The following TRIM8 variants were observed in gnomAD, a reference collection of about 807,000 sequenced individuals.
TRIM8 encodes the protein E3 ubiquitin-protein ligase TRIM8.
A neutral mutation model predicts 55.7 loss-of-function variants in TRIM8; 9 were observed. That is an observed-to-expected ratio of 0.16 (90% CI 0.10 to 0.28). TRIM8 has a LOEUF of 0.28. TRIM8 is among the 10% of genes least tolerant of loss of function. The pLI is 1.00. For synonymous variants in TRIM8, 335 were observed against 333.3 expected (o/e 1.01, Z -0.06); for missense variants, 556 against 736.4 (o/e 0.76, Z 2.83).
At chr10:102,652,314 G>A (rs1590107542) in intron 1 of TRIM8, among the ~76,000 whole-genome samples, 1 of 152,184 alleles carries the variant, frequency 6.6e-6, no homozygotes. Flanking sequence ...GGCGGGGTGA[G>A]GAAGGGATTG....
intron 1 of TRIM8, chr10:102,649,239 T>C (rs186150671): frequency 1.2e-4 from 19 of 152,410 alleles, no homozygotes; most frequent in Admixed American, 3.3e-4. Context: ...TTCCTGACAG[T>C]TGGCAGCACT....
At chr10:102,653,103 T>C (rs2063997880) in intron 1 of TRIM8, among the ~76,000 whole-genome samples, 1 of 152,158 alleles carries the variant, frequency 6.6e-6, no homozygotes, top group African/African-American at 2.4e-5. Flanking sequence ...CTGACCTTAT[T>C]TTTTATTTTT....
chr10:102,648,387 G>A (rs1196895819), intron 1 of TRIM8, among the ~76,000 whole-genome samples: 2 of 152,124 alleles, frequency 1.3e-5, no homozygotes, highest in Non-Finnish European at 2.9e-5. Flanking sequence ...CTTGAGTCTT[G>A]TGCAGTTACG....
chr10:102,656,580 G>C lies in TRIM8; in HGVS notation c.1049-167G>C, dbSNP rs1590110591. 1 of 1,305,898 alleles carries C rather than the reference G, an allele frequency of 7.7e-7. No homozygotes were observed. The highest frequency in any genetic ancestry group is 2.5e-5 in the East Asian group (1 of 40,068). The allele number at this position is 1,305,898 out of a possible 1,614,324, so 80.9% of individuals were successfully genotyped here. A position where few individuals can be genotyped will look rare whatever the true frequency, so the allele number is the denominator to read the frequency against. Reference sequence around the variant, plus strand: ...GCCTCCATTTCTTCAGCTTAAAGTGGGGATATAACTATTCTGTACCTCCTA... The same window carrying C: ...GCCTCCATTTCTTCAGCTTAAAGTGCGGATATAACTATTCTGTACCTCCTA... On this transcript the variant is annotated intron_variant, in intron 5 of 5. Coordinates refer to ENST00000643721, the MANE Select transcript of TRIM8 (RefSeq NM_030912.3). This position sits in a 1 kb window ranked among gnomAD's most constrained non-coding sequence, Gnocchi z 4.6.
rs1172447877 is a variant in TRIM8 at position 102,657,775 on chromosome 10, T to C, written c.*421T>C. On this transcript the variant is annotated 3_prime_UTR_variant, in exon 6 of 6. Transcript: ENST00000643721. Reference sequence around the variant, plus strand: ...AGGAACGCCCAGGGCCCCGGGCTTGTTTCTCCTCTTGTTTTCCTTTTGGGC... The same window carrying C: ...AGGAACGCCCAGGGCCCCGGGCTTGCTTCTCCTCTTGTTTTCCTTTTGGGC... 6.1e-6 allele frequency: 1 copy of C among 164,758 alleles called. No individual in the cohort carries two copies. Among genetic ancestry groups the C allele is most frequent in the Non-Finnish European group, 1.3e-5 (1 of 76,658 alleles). 10.2% of individuals were successfully genotyped at this position (164,758 alleles called of 1,614,324 possible).
chr10:102,654,596 A>G (rs978626952), intron 1 of TRIM8, 57 bp from the exon 2 acceptor site: 4 of 1,331,748 alleles, frequency 3.0e-6, no homozygotes, highest in Non-Finnish European at 4.3e-6. Context: ...AGAGGGAAGC[A>G]TGGGTCAGGG....
chr10:102,651,475 C>T (rs1005030809), intron 1 of TRIM8, among the ~76,000 whole-genome samples: 1 of 152,232 alleles, frequency 6.6e-6, no homozygotes, highest in African/African-American at 2.4e-5. Context: ...CAGTTCCTGT[C>T]CCCAAGGAAG....
chr10:102,654,761 A>G lies in TRIM8; in HGVS notation c.666+13A>G. On this transcript the variant is annotated intron_variant, in intron 2 of 5. Coordinates refer to ENST00000643721, the MANE Select transcript of TRIM8 (RefSeq NM_030912.3). ...GCGCCTGGTGGAGGTAGCTAAGCCCAAGGCCATGCTGCGGGGTGGGGGTGG... is the reference window on the plus strand; with the variant it reads ...GCGCCTGGTGGAGGTAGCTAAGCCCGAGGCCATGCTGCGGGGTGGGGGTGG... 6.2e-7 allele frequency: 1 copy of G among 1,606,646 alleles called. No homozygotes were observed. The highest frequency in any genetic ancestry group is 8.5e-7 in the Non-Finnish European group (1 of 1,173,136).
rs1195880693 is a variant in TRIM8 at position 102,655,155 on chromosome 10, C to G, written c.742C>G (p.Arg248Gly). 6.2e-7 allele frequency: 1 copy of G among 1,612,120 alleles called. No individual in the cohort carries two copies. The highest frequency in any genetic ancestry group is 1.7e-5 in the Admixed American group (1 of 59,062). ...GCACCAGCTGCTGGACGAGGACCTG[C>G]GGCAGACAGTGGAGGTCCTAGACAA... ...KLHQLLDEDL[R>G]QTVEVLDKAQ... The change falls in exon 3 of 6, where the codon CGG becomes GGG. Residue 248 changes from arginine to glycine, a missense_variant. Coordinates refer to ENST00000643721, the MANE Select transcript of TRIM8 (RefSeq NM_030912.3).
Position 102,656,125 on chromosome 10 carries a change from T to G in TRIM8, c.920T>G (p.Ile307Ser). ...CAACAGAACACCAAGTCTGTGAAAA[T>G]CCTGATGGACAGGTAAGCTGAGGGC... Reference protein sequence around the residue: ...SFMKNTKSVKILMDRTQTCTS... With the variant: ...SFMKNTKSVKSLMDRTQTCTS... The change falls in exon 4 of 6, where the codon ATC becomes AGC. Residue 307 changes from isoleucine to serine, a missense_variant. Transcript: ENST00000643721. This position sits in a 1 kb window ranked among gnomAD's most constrained non-coding sequence, Gnocchi z 4.6. 1 of 1,614,006 alleles carries G rather than the reference T, an allele frequency of 6.2e-7. No individual in the cohort carries two copies. The highest frequency in any genetic ancestry group is 1.1e-5 in the South Asian group (1 of 91,078).
chr10:102,651,287 T>G (rs965938371), intron 1 of TRIM8, among the ~76,000 whole-genome samples: 2 of 152,058 alleles, frequency 1.3e-5, no homozygotes, highest in African/African-American at 4.8e-5. Context: ...AGGGTAGAAG[T>G]GCTGTCAGGG....
rs879399903 is a variant in TRIM8 at position 102,657,960 on chromosome 10, A to C, written c.*606A>C. On this transcript the variant is annotated 3_prime_UTR_variant, in exon 6 of 6. Coordinates refer to ENST00000643721, the MANE Select transcript of TRIM8 (RefSeq NM_030912.3). ...GGCCACTTCTCAAGCAGCTTTTGGC[A>C]CCTTCAGCCTCAGAGTGGAATCTTT... is the stretch of plus-strand genomic sequence containing the variant. 6.6e-6 allele frequency: 1 copy of C among 152,484 alleles called. No homozygotes were observed. The highest frequency in any genetic ancestry group is 6.5e-5 in the Admixed American group (1 of 15,268). 9.4% of individuals were successfully genotyped at this position (152,484 alleles called of 1,614,324 possible).
intron 1 of TRIM8, among the ~76,000 whole-genome samples, chr10:102,649,545 G>A (rs527911932): frequency 5.3e-4 from 80 of 152,238 alleles, no homozygotes; most frequent in Non-Finnish European, 9.4e-4. Context: ...TTCCTTTCCC[G>A]GCTGGCCTGG....
intron 1 of TRIM8, among the ~76,000 whole-genome samples, chr10:102,652,418 A>G (rs2063992622): frequency 1.3e-5 from 2 of 152,210 alleles, no homozygotes; most frequent in Non-Finnish European, 2.9e-5. Flanking sequence ...CCACAGAGGA[A>G]GAAAGAGAAC....
Position 102,656,620 on chromosome 10 carries a change from A to G in TRIM8, c.1049-127A>G. The G allele has an allele frequency of 2.1e-6, 3 of 1,423,454 alleles. No individual in the cohort carries two copies. The highest frequency in any genetic ancestry group is 1.4e-5 in the African/African-American group (1 of 69,602). 88.2% of individuals were successfully genotyped at this position (1,423,454 alleles called of 1,614,324 possible). A position where few individuals can be genotyped will look rare whatever the true frequency, so the allele number is the denominator to read the frequency against. On this transcript the variant is annotated intron_variant, in intron 5 of 5. Coordinates refer to ENST00000643721, the MANE Select transcript of TRIM8 (RefSeq NM_030912.3). This position sits in a 1 kb window ranked among gnomAD's most constrained non-coding sequence, Gnocchi z 4.6. ...TGTACCTCCTAATGGTAGAGGAGCAAGCATCACCTGAGATGTAACATTCTT... is the reference window on the plus strand; with the variant it reads ...TGTACCTCCTAATGGTAGAGGAGCAGGCATCACCTGAGATGTAACATTCTT...
At chr10:102,653,201 C>T (rs1307089073) in intron 1 of TRIM8, among the ~76,000 whole-genome samples, 1 of 152,094 alleles carries the variant, frequency 6.6e-6, no homozygotes, top group East Asian at 1.9e-4. Flanking sequence ...ATGGGACAGC[C>T]CCACCCCGTA....
chr10:102,648,653 C>T (rs985585366), intron 1 of TRIM8, among the ~76,000 whole-genome samples: 8 of 152,116 alleles, frequency 5.3e-5, no homozygotes, highest in South Asian at 4.1e-4. Context: ...TCTCTGAGTA[C>T]GCAGTGAGAG....
chr10:102,657,801 A>G lies in TRIM8; in HGVS notation c.*447A>G, dbSNP rs1022774050. On this transcript the variant is annotated 3_prime_UTR_variant, in exon 6 of 6. Transcript: ENST00000643721. The stretch of plus-strand genomic sequence containing the variant: ...TTCTCCTCTTGTTTTCCTTTTGGGC[A>G]GTTTGATCACTGATCGAGTAAGGAA... 1.3e-5 allele frequency: 2 copies of G among 159,820 alleles called. No homozygotes were observed. Among genetic ancestry groups the G allele is most frequent in the African/African-American group, 4.8e-5 (2 of 41,622 alleles). 9.9% of individuals were successfully genotyped at this position (159,820 alleles called of 1,614,324 possible).
Position 102,657,418 on chromosome 10 carries a change from C to T in TRIM8, c.*64C>T, listed in dbSNP as rs1054748495. On this transcript the variant is annotated 3_prime_UTR_variant, in exon 6 of 6. Transcript: ENST00000643721. ...CCAGCCCCCGGGCTCGGGAGTTATGCATCCAGAGACCTGCCCTTCTACCTT... is the reference window on the plus strand; with the variant it reads ...CCAGCCCCCGGGCTCGGGAGTTATGTATCCAGAGACCTGCCCTTCTACCTT... 5 of 1,506,950 alleles carry T rather than the reference C, an allele frequency of 3.3e-6. No individual in the cohort carries two copies. The highest frequency in any genetic ancestry group is 1.4e-5 in the African/African-American group (1 of 71,472). 93.3% of individuals were successfully genotyped at this position (1,506,950 alleles called of 1,614,324 possible). A position where few individuals can be genotyped will look rare whatever the true frequency, so the allele number is the denominator to read the frequency against.
Sources: gnomAD v4.1 joint callset for allele counts (sites outside exome capture counted in the v4.1 genomes callset) on GRCh38, gnomAD v4.1.1 for gene constraint, Gnocchi (gnomAD v3.1) non-coding constraint, MANE v1.5 for transcripts, NCBI Gene and HGNC (gene_info 2026-07-23, HGNC 2026-07-21) for gene names.